Variants in ARHGEF10 observed in about 807,000 individuals in gnomAD.
ARHGEF10 encodes Rho guanine nucleotide exchange factor (GEF) 10.
ARHGEF10 carries 140 observed loss-of-function variants against 147.4 expected under a neutral mutation model. The observed-to-expected ratio is 0.95, with a 90% confidence interval of 0.83 to 1.09. The LOEUF (loss-of-function observed/expected upper bound fraction) is 1.09, where lower values mean the gene tolerates loss of function less well. Ranked by LOEUF, ARHGEF10 falls within the 50% of genes least tolerant of loss-of-function variation. The pLI, the probability that ARHGEF10 is intolerant of heterozygous loss-of-function variation, is 0.00. For synonymous variants in ARHGEF10, 902 were observed against 695.8 expected, an observed-to-expected ratio of 1.30 and a Z score of -4.67; for missense variants, 2,222 against 1,752.7, an observed-to-expected ratio of 1.27 and a Z score of -4.78.
Position 1,894,412 on chromosome 8 carries a change from C to T in ARHGEF10, c.1280C>T (p.Ser427Phe), listed in dbSNP as rs776514043. Residue 427 changes from serine (S) to phenylalanine (F), a missense_variant, in exon 13 of 29, where the codon TCT (serine) becomes TTT (phenylalanine). Ser to Phe is a radical substitution (Grantham distance 155). Coordinates refer to ENST00000349830, the MANE Select transcript of ARHGEF10 (RefSeq NM_014629.4). ...TCTTAGCAATATGAGAAGCCGCTGTCTGAGATGGAGCCAAAGGTTCTGAGT... is the reference window on the plus strand; with the variant it reads ...TCTTAGCAATATGAGAAGCCGCTGTTTGAGATGGAGCCAAAGGTTCTGAGT... ...RILEQYEKPL[S>F]EMEPKVLSER... 2.5e-6 allele frequency: 4 copies of T among 1,614,044 alleles called. No homozygotes were observed. The African/African-American group carries it at 4.0e-5, about 16-fold the overall frequency.
chr8:1,933,228 C>G (rs1239747886), intron 25 of ARHGEF10, among the ~76,000 whole-genome samples: 5 of 152,200 alleles, frequency 3.3e-5, no homozygotes, highest in Non-Finnish European at 2.9e-5. Context: ...GATATGGCCT[C>G]TCTTCGTGAT....
chr8:1,880,105 A>T lies in ARHGEF10; in HGVS notation c.901A>T (p.Met301Leu). ...CTATGAGAAAAAGATGAGAGATTTG[A>T]TGGCAAGCACGGTGGGCGTGGTGGA... is the stretch of plus-strand genomic sequence containing the variant. ...EHYEKKMRDLMASTVGVVEIQ... is the reference protein window; with the variant it reads ...EHYEKKMRDLLASTVGVVEIQ... The change falls in exon 9 of 29, where the codon ATG becomes TTG. Residue 301 changes from methionine (M) to leucine (L), a missense_variant. Met to Leu is a conservative substitution (Grantham distance 15). Coordinates refer to ENST00000349830, the MANE Select transcript of ARHGEF10 (RefSeq NM_014629.4). 1 of 1,614,200 alleles carries T rather than the reference A, an allele frequency of 6.2e-7. No individual in the cohort carries two copies. The highest frequency in any genetic ancestry group is 8.5e-7 in the Non-Finnish European group (1 of 1,180,026).
chr8:1,832,403 G>C lies in ARHGEF10; in HGVS notation c.-48+8290G>C, dbSNP rs1028907652. Among the ~76,000 whole-genome samples, 6 of 149,422 alleles carry C rather than the reference G, an allele frequency of 4.0e-5. No individual in the cohort carries two copies. The South Asian group carries it at 1.3e-3, about 32-fold the overall frequency. On this transcript the variant is annotated intron_variant, in intron 1 of 28. Coordinates refer to ENST00000349830, the MANE Select transcript of ARHGEF10 (RefSeq NM_014629.4). The stretch of plus-strand genomic sequence containing the variant: ...AGAGGCAGAGGCAGAGACAGAGAGA[G>C]GCAGAGGCAGAGACAGAGAGAGACA...
At chr8:1,947,057 T>C (rs1256191385) in intron 27 of ARHGEF10, among the ~76,000 whole-genome samples, 1 of 152,260 alleles carries the variant, frequency 6.6e-6, no homozygotes, top group East Asian at 1.9e-4. Context: ...GACGCTCTGC[T>C]GTGGACCTTG....
intron 12 of ARHGEF10, 74 bp from the exon 13 acceptor site, chr8:1,894,319 C>G: frequency 6.5e-7 from 1 of 1,530,800 alleles, no homozygotes. Flanking sequence ...CACTGCGCTG[C>G]ACCCTGGACA....
At chr8:1,900,233 G>T (rs950022033) in intron 15 of ARHGEF10, among the ~76,000 whole-genome samples, 1 of 152,164 alleles carries the variant, frequency 6.6e-6, no homozygotes, top group Non-Finnish European at 1.5e-5. Flanking sequence ...TTAGACAGAA[G>T]GGGTGGGCGG....
intron 16 of ARHGEF10, 77 bp downstream of exon 16, chr8:1,903,528 A>T: frequency 6.4e-7 from 1 of 1,569,616 alleles, no homozygotes; most frequent in Non-Finnish European, 8.7e-7. Context: ...GTCCAGCAAT[A>T]CTAATCTTTT....
At chr8:1,894,778 C>T (rs1239432789) in intron 13 of ARHGEF10, among the ~76,000 whole-genome samples, 2 of 152,182 alleles carry the variant, frequency 1.3e-5, no homozygotes, top group South Asian at 2.1e-4. Context: ...GAGGCCAAGG[C>T]GTTAGAAAGG....
chr8:1,864,230 T>C (rs1806389233), intron 4 of ARHGEF10, 143 bp from the exon 5 acceptor site: 18 of 807,202 alleles, frequency 2.2e-5, no homozygotes, highest in Middle Eastern at 2.2e-4. Flanking sequence ...GCTAAAAATT[T>C]TTAAGTTTAT....
At position 1,860,045 on chromosome 8, in the gene ARHGEF10, G is replaced by C; in HGVS notation, c.342G>C (p.Glu114Asp). The change falls in exon 4 of 29, where the codon GAG becomes GAC. Residue 114 changes from glutamate (E) to aspartate (D), a missense_variant. Transcript: ENST00000349830. ...CCACCCCCGTGCCCAGCGCTGAGGA[G>C]GAGAATGTGGGTCTCCATGTGCCCT... ...QPPTPVPSAEEENVGLHVPCG... is the reference protein window; with the variant it reads ...QPPTPVPSAEDENVGLHVPCG... 1 of 1,614,124 alleles carries C rather than the reference G, an allele frequency of 6.2e-7. No homozygotes were observed. The highest frequency in any genetic ancestry group is 1.1e-5 in the South Asian group (1 of 91,082).
chr8:1,879,872 T>G (rs527431862), intron 8 of ARHGEF10, among the ~76,000 whole-genome samples, 176 bp from the exon 9 acceptor site: 1 of 152,188 alleles, frequency 6.6e-6, no homozygotes, highest in African/African-American at 2.4e-5. Context: ...TGCATTTATC[T>G]CTCAAGGACC....
chr8:1,853,856 G>A (rs897087523), intron 2 of ARHGEF10, among the ~76,000 whole-genome samples: 23 of 152,278 alleles, frequency 1.5e-4, no homozygotes, highest in Admixed American at 5.9e-4. Flanking sequence ...GTGGCTCCTC[G>A]TCCCTGTGCT....
At chr8:1,866,016 G>A (rs1177414909) in intron 5 of ARHGEF10, among the ~76,000 whole-genome samples, 3 of 152,334 alleles carry the variant, frequency 2.0e-5, no homozygotes, top group East Asian at 3.9e-4. Context: ...GGATGACACC[G>A]CAGTCCCTGT....
At chr8:1,946,389 G>C (rs1814594154) in intron 27 of ARHGEF10, among the ~76,000 whole-genome samples, 1 of 152,210 alleles carries the variant, frequency 6.6e-6, no homozygotes, top group African/African-American at 2.4e-5. Flanking sequence ...TGGCTTACAA[G>C]CCAGAGAGGC....
intron 28 of ARHGEF10, among the ~76,000 whole-genome samples, chr8:1,955,655 C>T (rs1314416881): frequency 8.9e-6 from 1 of 112,722 alleles, no homozygotes; most frequent in Non-Finnish European, 2.0e-5. Context: ...TGCACTCTCA[C>T]TGTTTCTCTG....
chr8:1,923,846 C>T lies in ARHGEF10; in HGVS notation c.2460C>T (p.Asn820=). The part of the protein sequence containing the change: ...FTPAIKESWV[N]SLQMAKLALE... The stretch of plus-strand genomic sequence containing the variant: ...CTGCCATCAAGGAGTCCTGGGTCAA[C>T]AGCTTACAGATGGCCAAGCTCGCCC... The change falls in exon 21 of 29, where the codon AAC becomes AAT. Residue 820 remains asparagine, a synonymous_variant. Coordinates refer to ENST00000349830, the MANE Select transcript of ARHGEF10 (RefSeq NM_014629.4). The T allele has an allele frequency of 6.2e-7, 1 of 1,614,178 alleles. No individual in the cohort carries two copies. Among genetic ancestry groups the T allele is most frequent in the Non-Finnish European group, 8.5e-7 (1 of 1,180,028 alleles).
At chr8:1,886,761 G>A (rs1275828594) in intron 11 of ARHGEF10, among the ~76,000 whole-genome samples, 1 of 152,196 alleles carries the variant, frequency 6.6e-6, no homozygotes, top group East Asian at 1.9e-4. Flanking sequence ...TGTGTACTCT[G>A]TAAGGAAGCC....
chr8:1,909,587 A>C, intron 18 of ARHGEF10, 117 bp downstream of exon 18: 1 of 1,371,354 alleles, frequency 7.3e-7, no homozygotes, highest in South Asian at 1.2e-5. Flanking sequence ...TAACATGGCA[A>C]GTCTGCAGAG....
intron 26 of ARHGEF10, among the ~76,000 whole-genome samples, chr8:1,945,211 C>T (rs1414495522): frequency 6.6e-6 from 1 of 152,216 alleles, no homozygotes; most frequent in Non-Finnish European, 1.5e-5. Flanking sequence ...TCCTTTAGGA[C>T]ACAAGCTCAG....
Sources: gnomAD v4.1 joint callset for allele counts (sites outside exome capture counted in the v4.1 genomes callset) on GRCh38, gnomAD v4.1.1 for gene constraint, MANE v1.5 for transcripts, NCBI Gene and HGNC (gene_info 2026-07-23, HGNC 2026-07-21) for gene names.